The following HFM1 variants were observed in gnomAD, a reference collection of about 807,000 sequenced individuals.
HFM1 encodes probable ATP-dependent DNA helicase HFM1.
A neutral mutation model predicts 192.1 loss-of-function variants in HFM1; 169 were observed. That is an observed-to-expected ratio of 0.88 (90% confidence interval 0.78 to 1.00). HFM1 has a LOEUF of 1.00. HFM1 is among the 50% of genes least tolerant of loss of function. The pLI is 0.00. For synonymous variants in HFM1, 525 were observed against 537.8 expected (o/e 0.98, Z 0.33); for missense variants, 1,661 against 1,668.0 (o/e 1.00, Z 0.07).
chr1:91,351,815 C>T (rs1474688874), intron 16 of HFM1, among the ~76,000 whole-genome samples, 172 bp from the exon 17 acceptor site: 1 of 151,812 alleles, frequency 6.6e-6, no homozygotes, highest in African/African-American at 2.4e-5. Flanking sequence ...AATTTAAAAG[C>T]CTTCCAAGAG....
intron 30 of HFM1, among the ~76,000 whole-genome samples, chr1:91,293,641 C>A (rs1339042341): frequency 2.6e-5 from 4 of 151,238 alleles, no homozygotes; most frequent in Non-Finnish European, 4.4e-5. Flanking sequence ...GTCAGTGTGG[C>A]GATTCCTCAG....
Position 91,323,134 on chromosome 1 carries a change from T to C in HFM1, c.2493A>G (p.Thr831=). 6.3e-7 allele frequency: 1 copy of C among 1,593,388 alleles called. No individual in the cohort carries two copies. The highest frequency in any genetic ancestry group is 8.6e-7 in the Non-Finnish European group (1 of 1,164,662). The change falls in exon 22 of 39, where the codon ACA becomes ACG. Residue 831 remains threonine, a synonymous_variant. Transcript: ENST00000370425. ...DIQLRINEKK[T]LNTLNKDPNR... Reference sequence around the variant, plus strand: ...TTGGATCTTTGTTCAAAGTATTCAGTGTTTTCTTTTCATTTATCCTTAACT... The same window carrying C: ...TTGGATCTTTGTTCAAAGTATTCAGCGTTTTCTTTTCATTTATCCTTAACT...
chr1:91,373,860 C>T (rs1006057725), intron 13 of HFM1, among the ~76,000 whole-genome samples: 1 of 151,900 alleles, frequency 6.6e-6, no homozygotes, highest in Non-Finnish European at 1.5e-5. Context: ...GCAAGAATGA[C>T]CTAATACACC....
chr1:91,369,622 G>A (rs149763127), intron 13 of HFM1, among the ~76,000 whole-genome samples: 1 of 152,234 alleles, frequency 6.6e-6, no homozygotes, highest in East Asian at 1.9e-4. Context: ...AGCACTAAAT[G>A]CCCACAAGAG....
chr1:91,307,059 ATTG>A (rs1290037341), intron 30 of HFM1, among the ~76,000 whole-genome samples: 2 of 152,036 alleles, frequency 1.3e-5, no homozygotes, highest in Admixed American at 1.3e-4. Context: ...CATTCTTGAT[ATTG>A]TTACTTGTGT....
chr1:91,307,614 A>G (rs281980), intron 30 of HFM1, among the ~76,000 whole-genome samples: 151,996 of 152,180 alleles, frequency 1, 75,906 homozygotes, highest in East Asian at 1. Context: ...CACCACACTC[A>G]CTAATTTTTT....
chr1:91,351,461 C>A, intron 17 of HFM1, 88 bp downstream of exon 17: 1 of 718,318 alleles, frequency 1.4e-6, no homozygotes, highest in South Asian at 1.9e-5. Context: ...AAAAAATCTC[C>A]AAACCAAATT....
intron 34 of HFM1, among the ~76,000 whole-genome samples, chr1:91,270,965 G>T (rs1356692520): frequency 6.6e-6 from 1 of 152,106 alleles, no homozygotes; most frequent in South Asian, 2.1e-4. Flanking sequence ...GGGGACTCTA[G>T]AATTCTGTTT....
intron 13 of HFM1, among the ~76,000 whole-genome samples, chr1:91,370,944 A>G (rs1660100250): frequency 6.6e-6 from 1 of 152,038 alleles, no homozygotes; most frequent in Non-Finnish European, 1.5e-5. Context: ...TTATACACCA[A>G]TAACAGACAA....
intron 25 of HFM1, among the ~76,000 whole-genome samples, chr1:91,318,697 G>A (rs528693798): frequency 6.6e-6 from 1 of 152,164 alleles, no homozygotes; most frequent in Non-Finnish European, 1.5e-5. Flanking sequence ...TAATGAATTA[G>A]GAATGGCTGG....
intron 30 of HFM1, among the ~76,000 whole-genome samples, chr1:91,305,151 G>C (rs1649417891): frequency 6.6e-6 from 1 of 152,066 alleles, no homozygotes; most frequent in South Asian, 2.1e-4. Flanking sequence ...TAGCTATTCT[G>C]GGTCCCTTGT....
At chr1:91,263,851 A>G (rs1665412856) in intron 36 of HFM1, among the ~76,000 whole-genome samples, 1 of 152,150 alleles carries the variant, frequency 6.6e-6, no homozygotes, top group South Asian at 2.1e-4. Flanking sequence ...TTTTAAGCCC[A>G]CACATCTTCT....
intron 4 of HFM1, among the ~76,000 whole-genome samples, chr1:91,386,783 G>C (rs1454481130): frequency 2.6e-5 from 4 of 152,124 alleles, no homozygotes; most frequent in Admixed American, 6.5e-5. Context: ...TAAGTTAACA[G>C]ACTTGTTATG....
Position 91,363,745 on chromosome 1 carries a change from T to C in HFM1, c.1686-10446A>G, listed in dbSNP as rs1048713575. Reference sequence around the variant, plus strand: ...AAGGATACATGAACACATATGTTCATTGCAGCATTATTCACAATAGCAAAG... The same window carrying C: ...AAGGATACATGAACACATATGTTCACTGCAGCATTATTCACAATAGCAAAG... On this transcript the variant is annotated intron_variant, in intron 13 of 38. Coordinates refer to ENST00000370425, the MANE Select transcript of HFM1 (RefSeq NM_001017975.6). Among the ~76,000 whole-genome samples the C allele has an allele frequency of 9.8e-5, 15 of 152,318 alleles. No individual in the cohort carries two copies. The East Asian group carries it at 1.9e-3, about 20-fold the overall frequency.
At chr1:91,367,041 G>A (rs1241953072) in intron 13 of HFM1, among the ~76,000 whole-genome samples, 1 of 152,184 alleles carries the variant, frequency 6.6e-6, no homozygotes, top group East Asian at 1.9e-4. Flanking sequence ...AAACTGCAAG[G>A]CGGCAGTGAG....
At position 91,370,066 on chromosome 1, in the gene HFM1, A is replaced by G. The variant is rs1311037622; in HGVS notation, c.1685+5292T>C. Among the ~76,000 whole-genome samples the G allele has an allele frequency of 4.6e-5, 7 of 152,196 alleles. No homozygotes were observed. In the East Asian group the frequency reaches 1.3e-3, roughly 29 times the overall value. On this transcript the variant is annotated intron_variant, in intron 13 of 38. Transcript: ENST00000370425. ...GAGAAGTTGAATCTCTGAATAGACC[A>G]ATAACAGGCTCTAAAATTGAGGCAA...
intron 3 of HFM1, among the ~76,000 whole-genome samples, chr1:91,395,793 G>C (rs906591893): frequency 1.3e-5 from 2 of 151,760 alleles, no homozygotes; most frequent in African/African-American, 2.4e-5. Flanking sequence ...ATATTGCCAT[G>C]AACTGTATGG....
chr1:91,370,877 G>A (rs2101919774), intron 13 of HFM1, among the ~76,000 whole-genome samples: 1 of 152,246 alleles, frequency 6.6e-6, no homozygotes, highest in Admixed American at 6.5e-5. Context: ...TAAGCTGATA[G>A]ATAACTTCAG....
intron 30 of HFM1, among the ~76,000 whole-genome samples, chr1:91,299,686 T>C (rs1267726624): frequency 1.3e-5 from 2 of 152,168 alleles, no homozygotes; most frequent in East Asian, 3.8e-4. Flanking sequence ...GAATGACTAC[T>C]GGGTACATAA....
Sources: allele counts gnomAD v4.1 joint callset (sites outside exome capture counted in the v4.1 genomes callset), GRCh38; gene constraint gnomAD v4.1.1; transcripts MANE v1.5; gene names NCBI Gene and HGNC (gene_info 2026-07-23, HGNC 2026-07-21).